The following SUV39H2 variants were observed in gnomAD, a reference collection of about 807,000 sequenced individuals.
SUV39H2 encodes the protein histone-lysine N-methyltransferase SUV39H2.
Under a neutral mutation model 47.5 loss-of-function variants are expected in SUV39H2, and 10 were observed. The ratio of observed to expected loss-of-function variants is 0.21; its 90% CI spans 0.13 to 0.36. The LOEUF (loss-of-function observed/expected upper bound fraction) is 0.36. Among genes scored for constraint, SUV39H2 ranks in the 10% least tolerant of loss-of-function variants. SUV39H2 has a pLI of 1.00. For synonymous variants in SUV39H2, 159 were observed against 166.8 expected (o/e 0.95, Z 0.36); for missense variants, 266 against 487.4 (o/e 0.55, Z 4.28).
intron 1 of SUV39H2, chr10:14,879,179 G>A: frequency 2.7e-6 from 3 of 1,120,270 alleles, no homozygotes; most frequent in Non-Finnish European, 3.3e-6. Context: ...TGGCCTCTCC[G>A]CCCGCTCGGC....
intron 2 of SUV39H2, among the ~76,000 whole-genome samples, chr10:14,895,080 C>T (rs370479657): frequency 4.0e-5 from 6 of 151,382 alleles, no homozygotes; most frequent in Admixed American, 2.6e-4. Flanking sequence ...GGGCATGTGG[C>T]TATATATTAT....
At position 14,887,963 on chromosome 10, in the gene SUV39H2, G is replaced by A. The variant is rs117384680; in HGVS notation, c.177+6318G>A. On this transcript the variant is annotated intron_variant, in intron 2 of 5. Transcript: ENST00000354919. ...CCTGACTTCAAGGAGTAGAAAGAGG[G>A]CCTTCAAGGAATAGAGGGTGTGAGT... 6.1e-3 allele frequency among the ~76,000 whole-genome samples: 924 copies of A among 152,298 alleles called. 4 individuals are homozygous for A. The highest frequency in any genetic ancestry group is 0.014 in the Middle Eastern group (4 of 294).
chr10:14,894,773 C>T (rs535762942), intron 2 of SUV39H2, among the ~76,000 whole-genome samples: 1 of 152,246 alleles, frequency 6.6e-6, no homozygotes, highest in African/African-American at 2.4e-5. Flanking sequence ...CCTGGGTGGG[C>T]GCCTGGTTCC....
chr10:14,903,499 A>T lies in SUV39H2; in HGVS notation c.*987A>T, dbSNP rs1834157458. The T allele has an allele frequency of 6.6e-6, 1 of 152,198 alleles. No homozygotes were observed. Among genetic ancestry groups the T allele is most frequent in the South Asian group, 2.1e-4 (1 of 4,836 alleles). The allele number at this position is 152,198 out of a possible 1,614,324, so 9.4% of individuals were successfully genotyped here. On this transcript the variant is annotated 3_prime_UTR_variant, in exon 6 of 6. Transcript: ENST00000354919. The stretch of plus-strand genomic sequence containing the variant: ...GATTTAATATTTTTATACTTCCTGC[A>T]GGTTCTTCTTAAAAAGTAATCTATA...
At position 14,897,074 on chromosome 10, in the gene SUV39H2, G is replaced by T; in HGVS notation, c.406G>T (p.Ala136Ser). The T allele has an allele frequency of 6.2e-7, 1 of 1,613,998 alleles. No homozygotes were observed. The highest frequency in any genetic ancestry group is 8.5e-7 in the Non-Finnish European group (1 of 1,179,992). The change falls in exon 3 of 6, where the codon GCT (alanine) becomes TCT (serine). Residue 136 changes from alanine (A) to serine (S), a missense_variant. By Grantham distance (99) the Ala-to-Ser change is moderately conservative. Transcript: ENST00000354919. Reference sequence around the variant, plus strand: ...TGTGAAGAAGGCTAAACAAAGGATAGCTCTGCAGAGATGGCAAGATGAACT... The same window carrying T: ...TGTGAAGAAGGCTAAACAAAGGATATCTCTGCAGAGATGGCAAGATGAACT... ...YIVKKAKQRI[A>S]LQRWQDELNR...
chr10:14,902,067 G>A (rs1418917571), intron 5 of SUV39H2, among the ~76,000 whole-genome samples: 2 of 151,870 alleles, frequency 1.3e-5, no homozygotes, highest in East Asian at 1.9e-4. Flanking sequence ...TTTTATATAC[G>A]GTGTGAAATG....
At chr10:14,900,989 G>A in intron 4 of SUV39H2, 144 bp from the exon 5 acceptor site, 1 of 992,206 alleles carries the variant, frequency 1.0e-6, no homozygotes, top group Non-Finnish European at 1.5e-6. Flanking sequence ...AAATGTGCAT[G>A]CCTCAAAGAC....
chr10:14,889,608 G>A (rs559672403), intron 2 of SUV39H2, among the ~76,000 whole-genome samples: 47 of 152,190 alleles, frequency 3.1e-4, no homozygotes, highest in Non-Finnish European at 5.4e-4. Flanking sequence ...AGTTAAGGCA[G>A]TTAATGCCTG....
chr10:14,891,801 A>G (rs1049120613), intron 2 of SUV39H2, among the ~76,000 whole-genome samples: 1 of 152,232 alleles, frequency 6.6e-6, no homozygotes, highest in Non-Finnish European at 1.5e-5. Flanking sequence ...TTTAAGAACC[A>G]TCCGGTAGGC....
intron 2 of SUV39H2, among the ~76,000 whole-genome samples, chr10:14,888,963 C>T (rs1290555465): frequency 2.6e-5 from 4 of 151,980 alleles, no homozygotes; most frequent in South Asian, 2.1e-4. Context: ...ATTAGCCGGG[C>T]GTGGTGGCAC....
Position 14,899,785 on chromosome 10 carries a change from A to C in SUV39H2, c.996+100A>C, listed in dbSNP as rs1833867030. ...TTCCCTTTAAACTACATATCCTTTT[A>C]ACATTTCCAAAATATGTATTTTATA... On this transcript the variant is annotated intron_variant, in intron 4 of 5. Transcript: ENST00000354919. 4.4e-6 allele frequency: 6 copies of C among 1,350,638 alleles called. No individual in the cohort carries two copies. In the East Asian group the frequency reaches 1.4e-4, roughly 32 times the overall value. 83.7% of individuals were successfully genotyped at this position (1,350,638 alleles called of 1,614,324 possible).
At chr10:14,895,667 C>T (rs1363864268) in intron 2 of SUV39H2, among the ~76,000 whole-genome samples, 1 of 152,144 alleles carries the variant, frequency 6.6e-6, no homozygotes, top group South Asian at 2.1e-4. Context: ...CTAATCCAGT[C>T]ATGGGTGAGT....
chr10:14,881,798 C>T (rs1210718463), intron 2 of SUV39H2, among the ~76,000 whole-genome samples, 153 bp downstream of exon 2: 2 of 152,140 alleles, frequency 1.3e-5, no homozygotes, highest in Admixed American at 1.3e-4. Flanking sequence ...TCTGTGTTGC[C>T]AAATAGCATT....
chr10:14,894,847 A>G (rs1291576232), intron 2 of SUV39H2, among the ~76,000 whole-genome samples: 2 of 152,204 alleles, frequency 1.3e-5, no homozygotes, highest in Admixed American at 6.5e-5. Context: ...CAGATATCAC[A>G]TGGCTTAGAC....
At chr10:14,902,181 C>T (rs1421985601) in intron 5 of SUV39H2, among the ~76,000 whole-genome samples, 4 of 152,150 alleles carry the variant, frequency 2.6e-5, no homozygotes, top group Non-Finnish European at 5.9e-5. Flanking sequence ...CCACACCATC[C>T]TTTCAAGACA....
Position 14,899,676 on chromosome 10 carries a change from G to A in SUV39H2, c.987G>A (p.Val329=), listed in dbSNP as rs147278353. 1 of 1,613,624 alleles carries A rather than the reference G, an allele frequency of 6.2e-7. No individual in the cohort carries two copies. The highest frequency in any genetic ancestry group is 8.5e-7 in the Non-Finnish European group (1 of 1,179,842). ...GATACGGCAATGTGTCTCATTTTGT[G>A]AATCACAGCGTAAGAAGACATACGT... ...AARYGNVSHF[V]NHSCDPNLQV... Residue 329 remains valine (V), a synonymous_variant, in exon 4 of 6, where the codon GTG becomes GTA. Coordinates refer to ENST00000354919, the MANE Select transcript of SUV39H2 (RefSeq NM_001193424.2).
At chr10:14,889,847 A>G (rs1157086323) in intron 2 of SUV39H2, among the ~76,000 whole-genome samples, 2 of 152,316 alleles carry the variant, frequency 1.3e-5, no homozygotes, top group Admixed American at 6.5e-5. Context: ...TTGAGTCTCA[A>G]TGCAAGGTGA....
chr10:14,898,302 A>T (rs541001233), intron 3 of SUV39H2: 1 of 144,804 alleles, frequency 6.9e-6, no homozygotes, highest in Non-Finnish European at 1.5e-5. Flanking sequence ...CAGGTCACAT[A>T]GTAATAAGAA....
intron 2 of SUV39H2, among the ~76,000 whole-genome samples, chr10:14,894,329 T>C (rs577266434): frequency 2.7e-5 from 4 of 149,826 alleles, no homozygotes; most frequent in African/African-American, 7.4e-5. Context: ...AAGAAAACTT[T>C]TGACCAATTT....
Sources: gnomAD v4.1 joint callset for allele counts (sites outside exome capture counted in the v4.1 genomes callset) on GRCh38, gnomAD v4.1.1 for gene constraint, MANE v1.5 for transcripts, NCBI Gene and HGNC (gene_info 2026-07-23, HGNC 2026-07-21) for gene names.